RLBP1: variants seen among roughly 807,000 people sequenced by gnomAD.
RLBP1 encodes the protein retinaldehyde-binding protein 1.
A neutral mutation model predicts 36.2 loss-of-function variants in RLBP1; 26 were observed. The observed-to-expected ratio is 0.72, with a 90% CI of 0.53 to 1.00. RLBP1 has a LOEUF of 1.00. Among genes scored for constraint, RLBP1 ranks in the 50% least tolerant of loss-of-function variants. RLBP1 has a pLI of 0.00. For synonymous variants in RLBP1, 155 were observed against 156.2 expected (o/e 0.99, Z 0.06); for missense variants, 410 against 402.4 (o/e 1.02, Z -0.16).
In RLBP1 at chr15:89,211,720, T is replaced by C. The variant is rs2051539521; in HGVS notation, c.684+23A>G. On this transcript the variant is annotated intron_variant, in intron 7 of 8. Coordinates refer to ENST00000268125, the MANE Select transcript of RLBP1 (RefSeq NM_000326.5). The surrounding 1 kb of genome is among the most constrained non-coding windows in gnomAD (Gnocchi z 5.8). ...CCTCCCCAGCTGTGGGAGGCTGCCG[T>C]GCGACAGAACTCTAAGCCTCACCTG... is the stretch of plus-strand genomic sequence containing the variant. 5.0e-6 allele frequency: 8 copies of C among 1,612,372 alleles called. No homozygotes were observed. The highest frequency in any genetic ancestry group is 6.8e-6 in the Non-Finnish European group (8 of 1,179,764).
At chr15:89,216,246 AG>A (rs2051578451) in intron 5 of RLBP1, among the ~76,000 whole-genome samples, 1 of 152,012 alleles carries the variant, frequency 6.6e-6, no homozygotes, top group Admixed American at 6.6e-5. Flanking sequence ...TAGCCTGCAG[AG>A]GGCCCACTCA....
Position 89,218,859 on chromosome 15 carries a change from T to G in RLBP1, c.12+105A>C, listed in dbSNP as rs963302222. ...GGGGTTATAGAAGTGTGTGCCTATA[T>G]TCCCGGGCAGAGCATAAGATAGAGA... On this transcript the variant is annotated intron_variant, in intron 3 of 8. Transcript: ENST00000268125. The surrounding 1 kb of genome is among the most constrained non-coding windows in gnomAD (Gnocchi z 4.6). The G allele has an allele frequency of 2.0e-6, 3 of 1,512,014 alleles. No homozygotes were observed. The highest frequency in any genetic ancestry group is 2.7e-6 in the Non-Finnish European group (3 of 1,095,834). The allele number at this position is 1,512,014 out of a possible 1,614,324, so 93.7% of individuals were successfully genotyped here.
rs1212807954 is a variant in RLBP1 at position 89,218,971 on chromosome 15, G to C, written c.5C>G (p.Ser2Ter). The change falls in exon 3 of 9, where the codon TCA becomes TGA. Residue 2 changes from serine to a stop codon, truncating the protein, a stop_gained. Transcript: ENST00000268125. LOFTEE classifies it high-confidence loss of function. The surrounding 1 kb of genome is among the most constrained non-coding windows in gnomAD (Gnocchi z 4.6). The part of the protein sequence containing the change: M[S>*]EGVGTFRMVP... ...GGAGGACAGGGTACTTACCCCTTCTGACATGTTGCCTATGGAAGACACAGA... is the reference window on the plus strand; with the variant it reads ...GGAGGACAGGGTACTTACCCCTTCTCACATGTTGCCTATGGAAGACACAGA... The C allele has an allele frequency of 1.2e-6, 2 of 1,614,114 alleles. No homozygotes were observed. The highest frequency in any genetic ancestry group is 1.7e-6 in the Non-Finnish European group (2 of 1,179,994).
chr15:89,212,040 G>C (rs975172032), intron 6 of RLBP1, 139 bp from the exon 7 acceptor site: 3 of 870,420 alleles, frequency 3.4e-6, no homozygotes, highest in African/African-American at 3.3e-5. Context: ...TTCCACTTCT[G>C]TGAATGTATA....
chr15:89,211,702 A>G lies in RLBP1; in HGVS notation c.684+41T>C, dbSNP rs1312391446. ...GGAGGCCCAGCCTCTCAGCCTCCCC[A>G]GCTGTGGGAGGCTGCCGTGCGACAG... is the stretch of plus-strand genomic sequence containing the variant. On this transcript the variant is annotated intron_variant, in intron 7 of 8. Transcript: ENST00000268125. The surrounding 1 kb of genome is among the most constrained non-coding windows in gnomAD (Gnocchi z 5.8). 5.6e-6 allele frequency: 9 copies of G among 1,608,868 alleles called. No homozygotes were observed. The highest frequency in any genetic ancestry group is 7.6e-6 in the Non-Finnish European group (9 of 1,177,606).
chr15:89,218,626 G>A lies in RLBP1; in HGVS notation c.80C>T (p.Thr27Ile). ...ELRAQLEQLT[T>I]KDHGPVFGPC... ...GCCAAAGACAGGTCCATGGTCCTTG[G>A]TTGTGAGCTGCTCCAGTTGGGCACG... Residue 27 changes from threonine to isoleucine, a missense_variant, in exon 4 of 9, where the codon ACC becomes ATC. Transcript: ENST00000268125. The surrounding 1 kb of genome is among the most constrained non-coding windows in gnomAD (Gnocchi z 4.6). 2 of 1,614,260 alleles carry A rather than the reference G, an allele frequency of 1.2e-6. No homozygotes were observed. Among genetic ancestry groups the A allele is most frequent in the Non-Finnish European group, 1.7e-6 (2 of 1,180,052 alleles).
Position 89,210,372 on chromosome 15 carries a change from G to A in RLBP1, c.867C>T (p.Phe289=), listed in dbSNP as rs201752164. 5.1e-5 allele frequency: 82 copies of A among 1,614,188 alleles called. No individual in the cohort carries two copies. Among genetic ancestry groups the A allele is most frequent in the African/African-American group, 6.7e-5 (5 of 75,062 alleles). The part of the protein sequence containing the change: ...EIDENILPSD[F]GGTLPKYDGK... Reference sequence around the variant, plus strand: ...CATCATACTTGGGCAGCGTGCCCCCGAAGTCAGAGGGCAGGATGTTCTCAT... The same window carrying A: ...CATCATACTTGGGCAGCGTGCCCCCAAAGTCAGAGGGCAGGATGTTCTCAT... The change falls in exon 9 of 9, where the codon TTC becomes TTT. Residue 289 remains phenylalanine (F), a synonymous_variant. Transcript: ENST00000268125. The surrounding 1 kb of genome is among the most constrained non-coding windows in gnomAD (Gnocchi z 4.7).
In RLBP1 at chr15:89,217,246, C is replaced by T. The variant is rs1195086138; in HGVS notation, c.220G>A (p.Ala74Thr). 1 of 1,611,744 alleles carries T rather than the reference C, an allele frequency of 6.2e-7. No homozygotes were observed. Among genetic ancestry groups the T allele is most frequent in the Admixed American group, 1.7e-5 (1 of 60,010 alleles). The stretch of plus-strand genomic sequence containing the variant: ...ACCGCCAGCTCCTCCCCCGAGGCCG[C>T]CTGCGCCTGCACCATCTCCTGCAGC... ...RELQEMVQAQ[A>T]ASGEELAVAV... is the part of the protein sequence containing the mutation. The change falls in exon 5 of 9, where the codon GCG becomes ACG. Residue 74 changes from alanine (A) to threonine (T), a missense_variant. Physicochemically the swap from Ala to Thr is moderately conservative, Grantham distance 58. Transcript: ENST00000268125.
In RLBP1 at chr15:89,211,960, G is replaced by A; in HGVS notation, c.526-59C>T. 6.4e-7 allele frequency: 1 copy of A among 1,570,788 alleles called. No individual in the cohort carries two copies. The highest frequency in any genetic ancestry group is 8.7e-7 in the Non-Finnish European group (1 of 1,144,400). ...ACCCGCAACAATAATTAAGGCTTGA[G>A]GTCCTGAGGGGAGAGCTAATTGGTA... On this transcript the variant is annotated intron_variant, in intron 6 of 8. Coordinates refer to ENST00000268125, the MANE Select transcript of RLBP1 (RefSeq NM_000326.5). This position sits in a 1 kb window ranked among gnomAD's most constrained non-coding sequence, Gnocchi z 5.8.
At position 89,210,495 on chromosome 15, in the gene RLBP1, T is replaced by A; in HGVS notation, c.796-52A>T. 6.3e-7 allele frequency: 1 copy of A among 1,598,532 alleles called. No homozygotes were observed. Reference sequence around the variant, plus strand: ...TGAGCAGGAGGAGGTGCCCTAAGGATGAGGGTTGAGGGAGGAAAGGGGCAG... The same window carrying A: ...TGAGCAGGAGGAGGTGCCCTAAGGAAGAGGGTTGAGGGAGGAAAGGGGCAG... On this transcript the variant is annotated intron_variant, in intron 8 of 8. Coordinates refer to ENST00000268125, the MANE Select transcript of RLBP1 (RefSeq NM_000326.5). The surrounding 1 kb of genome is among the most constrained non-coding windows in gnomAD (Gnocchi z 4.7).
At position 89,217,168 on chromosome 15, in the gene RLBP1, T is replaced by C. The variant is rs1485138355; in HGVS notation, c.298A>G (p.Ile100Val). 2 of 1,613,936 alleles carry C rather than the reference T, an allele frequency of 1.2e-6. No individual in the cohort carries two copies. The highest frequency in any genetic ancestry group is 2.7e-5 in the African/African-American group (2 of 74,934). ...EKDSGFFLRF[I>V]RARKFNVGRA... ...CCCACGTTGAACTTCCGTGCGCGGA[T>C]GAAGCGCAGGAAGAAGCCGCTGTCC... The change falls in exon 5 of 9, where the codon ATC (isoleucine) becomes GTC (valine). Residue 100 changes from isoleucine (I) to valine (V), a missense_variant. Coordinates refer to ENST00000268125, the MANE Select transcript of RLBP1 (RefSeq NM_000326.5).
intron 5 of RLBP1, among the ~76,000 whole-genome samples, chr15:89,216,579 C>G (rs1269349252): frequency 6.6e-6 from 1 of 152,206 alleles, no homozygotes; most frequent in Non-Finnish European, 1.5e-5. Flanking sequence ...GCCTTGGCCT[C>G]GCAAAGTGCT....
chr15:89,219,099 C>T, intron 2 of RLBP1, 24 bp from the exon 3 acceptor site: 1 of 1,083,028 alleles, frequency 9.2e-7, no homozygotes, highest in Non-Finnish European at 1.4e-6. Flanking sequence ...AAAAACCATT[C>T]TGTTATTGTC....
chr15:89,218,803 C>T lies in RLBP1; in HGVS notation c.13-110G>A. On this transcript the variant is annotated intron_variant, in intron 3 of 8. Transcript: ENST00000268125. This position sits in a 1 kb window ranked among gnomAD's most constrained non-coding sequence, Gnocchi z 4.6. ...CTTTTGCCCAAGGTCATTGTTAAGCCTCCTCCTTTTGTGGGGTCAGGACCC... is the reference window on the plus strand; with the variant it reads ...CTTTTGCCCAAGGTCATTGTTAAGCTTCCTCCTTTTGTGGGGTCAGGACCC... 1 of 1,573,680 alleles carries T rather than the reference C, an allele frequency of 6.4e-7. No individual in the cohort carries two copies. Among genetic ancestry groups the T allele is most frequent in the Non-Finnish European group, 8.7e-7 (1 of 1,152,932 alleles).
rs758715073 is a variant in RLBP1, at chr15:89,219,020, G to A, written c.-45C>T. ...GAGTCCTTGGAAAAAGAAGGGATCT[G>A]CTTTCTCTGTCCTGGCCTCTCCAGC... is the stretch of plus-strand genomic sequence containing the variant. On this transcript the variant is annotated 5_prime_UTR_variant, in exon 3 of 9. Transcript: ENST00000268125. The A allele has an allele frequency of 6.2e-7, 1 of 1,613,612 alleles. No homozygotes were observed. The highest frequency in any genetic ancestry group is 1.1e-5 in the South Asian group (1 of 91,048).
rs4932483 is a variant in RLBP1, at chr15:89,215,321, A to G, written c.347-83T>C. On this transcript the variant is annotated intron_variant, in intron 5 of 8. Transcript: ENST00000268125. ...CCTCCTAGTGGGACTCAGAGACCTG[A>G]CCTCCTGCCAGGTCCTATGTGTGAC... The G allele has an allele frequency of 0.95, 1,335,878 of 1,413,272 alleles. 631,728 individuals are homozygous for G. Among genetic ancestry groups the G allele is most frequent in the East Asian group, 1 (43,363 of 43,370 alleles). The allele number at this position is 1,413,272 out of a possible 1,614,324, so 87.5% of individuals were successfully genotyped here. A position where few individuals can be genotyped will look rare whatever the true frequency, so the allele number is the denominator to read the frequency against.
At position 89,212,412 on chromosome 15, in the gene RLBP1, T is replaced by A. The variant is rs1033640048; in HGVS notation, c.526-511A>T. Among the ~76,000 whole-genome samples the A allele has an allele frequency of 5.0e-4, 76 of 151,824 alleles. 5 individuals carry two copies. Among genetic ancestry groups the A allele is most frequent in the Non-Finnish European group, 2.9e-5 (2 of 67,982 alleles). ...GCCTGGCCAACATGGTGAAACCCCATCTCAACTAAAAATACAAAAAAATCA... is the reference window on the plus strand; with the variant it reads ...GCCTGGCCAACATGGTGAAACCCCAACTCAACTAAAAATACAAAAAAATCA... On this transcript the variant is annotated intron_variant, in intron 6 of 8. Transcript: ENST00000268125.
At position 89,210,388 on chromosome 15, in the gene RLBP1, A is replaced by T. The variant is rs1183160460; in HGVS notation, c.851T>A (p.Ile284Asn). 3 of 1,614,120 alleles carry T rather than the reference A, an allele frequency of 1.9e-6. No individual in the cohort carries two copies. The Admixed American group carries it at 5.0e-5, about 27-fold the overall frequency. ...CGTGCCCCCGAAGTCAGAGGGCAGG[A>T]TGTTCTCATCGATCTCCTGGTAGAA... ...SGFYQEIDEN[I>N]LPSDFGGTLP... Residue 284 changes from isoleucine to asparagine, a missense_variant, in exon 9 of 9, where the codon ATC becomes AAC. Coordinates refer to ENST00000268125, the MANE Select transcript of RLBP1 (RefSeq NM_000326.5). The surrounding 1 kb of genome is among the most constrained non-coding windows in gnomAD (Gnocchi z 4.7).
At chr15:89,212,608 A>ATGTGTG (rs200928834) in intron 6 of RLBP1, among the ~76,000 whole-genome samples, 1 of 131,194 alleles carries the variant, frequency 7.6e-6, no homozygotes, top group Non-Finnish European at 1.6e-5. Context: ...AAAAAGAAAA[A>ATGTGTG]TGTGTGTGTG....
Sources: allele counts gnomAD v4.1 joint callset (sites outside exome capture counted in the v4.1 genomes callset), GRCh38; gene constraint gnomAD v4.1.1; non-coding constraint Gnocchi (gnomAD v3.1); transcripts MANE v1.5; gene names NCBI Gene and HGNC (gene_info 2026-07-23, HGNC 2026-07-21).